COA1: variants seen among roughly 807,000 people sequenced by gnomAD.
COA1 encodes cytochrome c oxidase assembly factor 1 homolog.
A neutral mutation model predicts 16.0 loss-of-function variants in COA1; 13 were observed. That is an observed-to-expected ratio of 0.81 (90% CI 0.53 to 1.29). The LOEUF (loss-of-function observed/expected upper bound fraction) is 1.29, where lower values mean the gene tolerates loss of function less well. Among genes scored for constraint, COA1 ranks in the 50% most tolerant of loss-of-function variants. The pLI, the probability that COA1 is intolerant of heterozygous loss-of-function variation, is 0.00. For synonymous variants in COA1, 65 were observed against 65.7 expected (o/e 0.99, Z 0.05); for missense variants, 179 against 177.0 (o/e 1.01, Z -0.06).
intron 6 of COA1, chr7:43,633,470 T>C (rs1481874545): frequency 1.3e-5 from 2 of 152,152 alleles, no homozygotes; most frequent in Non-Finnish European, 2.9e-5. Flanking sequence ...ACACACACAT[T>C]TATCAATTAA....
chr7:43,665,212 A>G (rs2092798830), intron 1 of COA1, among the ~76,000 whole-genome samples: 1 of 152,170 alleles, frequency 6.6e-6, no homozygotes, highest in Non-Finnish European at 1.5e-5. Context: ...AAAAACAGAC[A>G]TTTTCCTGAA....
intron 6 of COA1, among the ~76,000 whole-genome samples, chr7:43,616,208 T>C (rs2083326444): frequency 6.6e-6 from 1 of 152,246 alleles, no homozygotes; most frequent in Admixed American, 6.5e-5. Context: ...CTGATATATT[T>C]ATCGCCTGAG....
chr7:43,663,050 T>A (rs954497628), intron 1 of COA1, among the ~76,000 whole-genome samples: 2 of 152,222 alleles, frequency 1.3e-5, no homozygotes, highest in African/African-American at 4.8e-5. Context: ...GGTGACTGGA[T>A]GATTGGGGTG....
At chr7:43,728,679 A>G (rs764707435) in intron 1 of COA1, among the ~76,000 whole-genome samples, 12 of 152,234 alleles carry the variant, frequency 7.9e-5, no homozygotes, top group Non-Finnish European at 4.4e-5. Flanking sequence ...GAGGACAGAA[A>G]TAACACAATC....
intron 1 of COA1, among the ~76,000 whole-genome samples, chr7:43,674,356 T>C (rs2093413556): frequency 6.6e-6 from 1 of 152,274 alleles, no homozygotes; most frequent in Non-Finnish European, 1.5e-5. Flanking sequence ...TCATGTGTTA[T>C]ATTGTCCTGT....
At chr7:43,709,317 T>C (rs1190456787) in intron 1 of COA1, among the ~76,000 whole-genome samples, 1 of 152,052 alleles carries the variant, frequency 6.6e-6, no homozygotes. Flanking sequence ...TGAGCCACCA[T>C]GCCCGGCCTA....
chr7:43,719,055 T>TCCACCTC (rs1296144752), intron 1 of COA1, among the ~76,000 whole-genome samples: 58 of 150,968 alleles, frequency 3.8e-4, no homozygotes, highest in Non-Finnish European at 2.9e-5. Context: ...CACCGCAAGC[T>TCCACCTC]CCACCTCCCA....
chr7:43,638,617 C>T (rs1229355073), downstream of COA1, among the ~76,000 whole-genome samples: 1 of 136,484 alleles, frequency 7.3e-6, no homozygotes, highest in Non-Finnish European at 1.5e-5. Flanking sequence ...CTCTTGTTGC[C>T]CAGGCTGGAG....
At chr7:43,698,139 C>G (rs2094587030) in intron 1 of COA1, among the ~76,000 whole-genome samples, 1 of 152,132 alleles carries the variant, frequency 6.6e-6, no homozygotes, top group Admixed American at 6.5e-5. Context: ...TAAAGCATAA[C>G]CTATAGAAAA....
intron 6 of COA1, among the ~76,000 whole-genome samples, chr7:43,624,354 T>C (rs188461809): frequency 6.6e-6 from 1 of 152,254 alleles, no homozygotes; most frequent in East Asian, 1.9e-4. Flanking sequence ...TTGTGGGAAA[T>C]TGCACCCAAA....
At chr7:43,669,760 CA>C (rs1209630963) in intron 1 of COA1, among the ~76,000 whole-genome samples, 9 of 71,180 alleles carry the variant, frequency 1.3e-4, no homozygotes, top group Non-Finnish European at 2.2e-4. Context: ...TCCTTAAAAC[CA>C]AAAAAAAATT....
chr7:43,620,750 T>C (rs1195928046), intron 6 of COA1, among the ~76,000 whole-genome samples: 1 of 152,084 alleles, frequency 6.6e-6, no homozygotes, highest in Admixed American at 6.6e-5. Flanking sequence ...GCCTTGGATA[T>C]AAGGCTGGAA....
rs541967134 is a variant in COA1, at chr7:43,714,806, G to C, written c.-39+14623C>G. On this transcript the variant is annotated intron_variant, in intron 1 of 5. Coordinates refer to ENST00000223336, the MANE Select transcript of COA1 (RefSeq NM_018224.4). Reference sequence around the variant, plus strand: ...ATGGATCACTTGCAGCCAGGAGTTCGAGACCAGCCTGGCCAACATGGTGAA... The same window carrying C: ...ATGGATCACTTGCAGCCAGGAGTTCCAGACCAGCCTGGCCAACATGGTGAA... 4.7e-5 allele frequency among the ~76,000 whole-genome samples: 7 copies of C among 150,500 alleles called. No individual in the cohort carries two copies. The East Asian group carries it at 7.9e-4, about 17-fold the overall frequency.
chr7:43,617,905 T>C (rs1583698780), intron 6 of COA1, among the ~76,000 whole-genome samples: 1 of 152,138 alleles, frequency 6.6e-6, no homozygotes, highest in Non-Finnish European at 1.5e-5. Context: ...GCCAGGACAG[T>C]GTTTTGTCAT....
chr7:43,723,814 C>A (rs1230613714), intron 1 of COA1, among the ~76,000 whole-genome samples: 1 of 152,108 alleles, frequency 6.6e-6, no homozygotes, highest in Non-Finnish European at 1.5e-5. Flanking sequence ...GTAGTCCCAA[C>A]TACTTGAGGG....
intron 1 of COA1, among the ~76,000 whole-genome samples, chr7:43,675,992 C>T (rs1220609402): frequency 5.3e-5 from 8 of 152,094 alleles, no homozygotes; most frequent in Non-Finnish European, 1.0e-4. Context: ...TACTACCCAT[C>T]GGTGATAACT....
chr7:43,635,407 C>G (rs551335216), downstream of COA1, among the ~76,000 whole-genome samples: 2 of 152,294 alleles, frequency 1.3e-5, no homozygotes, highest in South Asian at 4.1e-4. Context: ...GGGTTTATGT[C>G]TCCCTTATGC....
chr7:43,689,657 C>A (rs2094187511), intron 1 of COA1, among the ~76,000 whole-genome samples: 1 of 152,088 alleles, frequency 6.6e-6, no homozygotes, highest in Non-Finnish European at 1.5e-5. Context: ...TTTTTAAGCT[C>A]TTTAAAAGTT....
intron 1 of COA1, among the ~76,000 whole-genome samples, chr7:43,683,403 C>T (rs1247949576): frequency 6.6e-6 from 1 of 152,036 alleles, no homozygotes; most frequent in Admixed American, 6.6e-5. Context: ...GTGGCCGAGG[C>T]AGGTGGATCA....
Sources: allele counts gnomAD v4.1 joint callset (sites outside exome capture counted in the v4.1 genomes callset), GRCh38; gene constraint gnomAD v4.1.1; transcripts MANE v1.5; gene names NCBI Gene and HGNC (gene_info 2026-07-23, HGNC 2026-07-21).